The following SULT1B1 variants were observed in gnomAD, a reference collection of about 807,000 sequenced individuals.
The protein encoded by SULT1B1 is sulfotransferase 1B1.
In SULT1B1, 28 loss-of-function variants were observed where a neutral mutation model predicts 34.6. That is an observed-to-expected ratio of 0.81 (90% CI 0.60 to 1.11). The LOEUF is 1.11. Among genes scored for constraint, SULT1B1 ranks in the 50% least tolerant of loss-of-function variants. SULT1B1 has a pLI of 0.00. For synonymous variants in SULT1B1, 147 were observed against 110.2 expected (o/e 1.33, Z -2.09); for missense variants, 374 against 352.2 (o/e 1.06, Z -0.50).
Position 69,726,016 on chromosome 4 carries a change from TATA to T in SULT1B1, c.*1069_*1071del, listed in dbSNP as rs1185459553. On this transcript the variant is annotated 3_prime_UTR_variant, in exon 8 of 8. Transcript: ENST00000310613. ...TGCACATGTAACCTGGAACTTAAAG[TATA>T]ATAATAAAATGTACATATATATATA... The T allele has an allele frequency of 9.1e-6, 1 of 109,824 alleles. No homozygotes were observed. The highest frequency in any genetic ancestry group is 1.8e-5 in the Non-Finnish European group (1 of 55,032). The allele number at this position is 109,824 out of a possible 1,614,324, so 6.8% of individuals were successfully genotyped here.
rs13106169 is a variant in SULT1B1 at position 69,733,519 on chromosome 4, T to C, written c.503-12A>G. 10 of 1,551,952 alleles carry C rather than the reference T, an allele frequency of 6.4e-6. No homozygotes were observed. The highest frequency in any genetic ancestry group is 1.4e-5 in the African/African-American group (1 of 71,992). ...GGAACCATAGGCCACTAAAACCAGA[T>C]AAAAGTCTATTTTCATAAACATTCA... On this transcript the variant is annotated splice_polypyrimidine_tract_variant and intron_variant, in intron 5 of 7. Transcript: ENST00000310613.
rs1372923147 is a variant in SULT1B1 at position 69,733,892 on chromosome 4, T to TC, written c.502+245_502+246insG. On this transcript the variant is annotated intron_variant, in intron 5 of 7. Coordinates refer to ENST00000310613, the MANE Select transcript of SULT1B1 (RefSeq NM_014465.4). ...AATGTCTATTGTGAGGAGAGACTGA[T>TC]AATGGACTTCTAGCAACTGAGAACA... is the stretch of plus-strand genomic sequence containing the variant. 3.3e-5 allele frequency among the ~76,000 whole-genome samples: 5 copies of TC among 152,190 alleles called. No homozygotes were observed. In the East Asian group the frequency reaches 9.6e-4, roughly 29 times the overall value.
chr4:69,729,677 C>T (rs1012004717), intron 7 of SULT1B1, among the ~76,000 whole-genome samples: 9 of 151,946 alleles, frequency 5.9e-5, no homozygotes, highest in Admixed American at 2.0e-4. Context: ...TCAAAATTGG[C>T]GGTTTTGTTT....
At chr4:69,756,037 C>T (rs985840568) in intron 1 of SULT1B1, among the ~76,000 whole-genome samples, 1 of 152,064 alleles carries the variant, frequency 6.6e-6, no homozygotes, top group African/African-American at 2.4e-5. Flanking sequence ...TAATTACTAA[C>T]CTTTTCTTCT....
At position 69,726,938 on chromosome 4, in the gene SULT1B1, T is replaced by C. The variant is rs1560517987; in HGVS notation, c.*150A>G. 2 of 522,774 alleles carry C rather than the reference T, an allele frequency of 3.8e-6. No homozygotes were observed. Among genetic ancestry groups the C allele is most frequent in the East Asian group, 3.4e-5 (1 of 29,118 alleles). The allele number at this position is 522,774 out of a possible 1,614,324, so 32.4% of individuals were successfully genotyped here. A position where few individuals can be genotyped will look rare whatever the true frequency, so the allele number is the denominator to read the frequency against. On this transcript the variant is annotated 3_prime_UTR_variant, in exon 8 of 8. Coordinates refer to ENST00000310613, the MANE Select transcript of SULT1B1 (RefSeq NM_014465.4). ...GAATCAAAGGAACAAAACTGGGATC[T>C]GATTAATAACATTGAAAAGAATCAA...
intron 4 of SULT1B1, among the ~76,000 whole-genome samples, chr4:69,745,716 T>C (rs1718723218): frequency 6.6e-6 from 1 of 152,220 alleles, no homozygotes; most frequent in South Asian, 2.1e-4. Flanking sequence ...GTATTCCAGA[T>C]CAAAATTCAT....
chr4:69,758,517 C>T, intron 1 of SULT1B1: 1 of 973,916 alleles, frequency 1.0e-6, no homozygotes, highest in South Asian at 4.7e-5. Flanking sequence ...TGGCACACCT[C>T]ATTTCAAAAA....
At chr4:69,730,435 A>G in intron 7 of SULT1B1, 66 bp downstream of exon 7, 2 of 1,440,360 alleles carry the variant, frequency 1.4e-6, no homozygotes, top group Non-Finnish European at 1.9e-6. Context: ...TCACAGAACT[A>G]ATCCTTAGCT....
chr4:69,750,129 C>G (rs971477047), intron 3 of SULT1B1, among the ~76,000 whole-genome samples: 1 of 152,072 alleles, frequency 6.6e-6, no homozygotes, highest in Non-Finnish European at 1.5e-5. Flanking sequence ...TAATAATACC[C>G]TCTTTAATAA....
intron 1 of SULT1B1, among the ~76,000 whole-genome samples, chr4:69,757,585 T>TAC (rs59421822): frequency 0.029 from 4,454 of 151,448 alleles, 188 homozygotes; most frequent in African/African-American, 0.097. Flanking sequence ...TACCCCCATC[T>TAC]ACACACACAC....
chr4:69,758,610 T>G (rs1227123006), intron 1 of SULT1B1: 1 of 350,496 alleles, frequency 2.9e-6, no homozygotes, highest in Non-Finnish European at 4.0e-6. Flanking sequence ...GCAGTATAAC[T>G]TTACTTACCA....
At chr4:69,744,734 C>T (rs1718685340) in intron 4 of SULT1B1, among the ~76,000 whole-genome samples, 1 of 152,080 alleles carries the variant, frequency 6.6e-6, no homozygotes. Flanking sequence ...TTCAGTTCTG[C>T]TCTGATTTTC....
At position 69,724,498 on chromosome 4, in the gene SULT1B1, C is replaced by G. The variant is rs982171853; in HGVS notation, c.*2590G>C. On this transcript the variant is annotated 3_prime_UTR_variant, in exon 8 of 8. Transcript: ENST00000310613. ...TCCCCATTAAGCTACCAATGACTTT[C>G]TTCACAGAATTGGAAAAAACTACTT... is the stretch of plus-strand genomic sequence containing the variant. 8 of 152,152 alleles carry G rather than the reference C, an allele frequency of 5.3e-5. No homozygotes were observed. Among genetic ancestry groups the G allele is most frequent in the Non-Finnish European group, 1.2e-4 (8 of 68,042 alleles). 9.4% of individuals were successfully genotyped at this position (152,152 alleles called of 1,614,324 possible).
At chr4:69,755,388 G>T (rs1170454627) in intron 1 of SULT1B1, 127 bp from the exon 2 acceptor site, 2 of 654,800 alleles carry the variant, frequency 3.1e-6, no homozygotes, top group Non-Finnish European at 5.0e-6. Context: ...AGTACAAAGG[G>T]CATATTTTGT....
chr4:69,740,628 C>A (rs2110023215), intron 4 of SULT1B1, among the ~76,000 whole-genome samples: 1 of 152,318 alleles, frequency 6.6e-6, no homozygotes, highest in Non-Finnish European at 1.5e-5. Context: ...CTATGATGAA[C>A]ATACAAATAC....
intron 1 of SULT1B1, among the ~76,000 whole-genome samples, chr4:69,759,502 T>C (rs548397645): frequency 1.3e-5 from 2 of 152,300 alleles, no homozygotes; most frequent in Middle Eastern, 3.4e-3. Context: ...CAGCTGTTTG[T>C]GAATATATGC....
At position 69,730,640 on chromosome 4, in the gene SULT1B1, C is replaced by T; in HGVS notation, c.639G>A (p.Glu213=). Residue 213 remains glutamate, a synonymous_variant, in exon 7 of 8, where the codon GAG becomes GAA. Transcript: ENST00000310613. Reference sequence around the variant, plus strand: ...CCAAGATCTCATCATTCAGGTTCTTCTCTAGAAATCTAATGATCTTCTTGA... The same window carrying T: ...CCAAGATCTCATCATTCAGGTTCTTTTCTAGAAATCTAATGATCTTCTTGA... The part of the protein sequence containing the change: ...EEIKKIIRFL[E]KNLNDEILDR... 1 of 1,612,926 alleles carries T rather than the reference C, an allele frequency of 6.2e-7. No individual in the cohort carries two copies. The highest frequency in any genetic ancestry group is 2.2e-5 in the East Asian group (1 of 44,754).
intron 4 of SULT1B1, among the ~76,000 whole-genome samples, chr4:69,744,467 G>T (rs114376241): frequency 0.013 from 2,044 of 152,248 alleles, 55 homozygotes; most frequent in African/African-American, 0.047. Flanking sequence ...AGCCGCTCCT[G>T]CCACCACCAC....
At chr4:69,737,004 T>C (rs904382823) in intron 4 of SULT1B1, among the ~76,000 whole-genome samples, 69 of 151,528 alleles carry the variant, frequency 4.6e-4, no homozygotes, top group African/African-American at 1.6e-3. Context: ...ATCTAAGAAG[T>C]TGTGTGAACT....
Sources: allele counts gnomAD v4.1 joint callset (sites outside exome capture counted in the v4.1 genomes callset), GRCh38; gene constraint gnomAD v4.1.1; transcripts MANE v1.5; gene names NCBI Gene and HGNC (gene_info 2026-07-23, HGNC 2026-07-21).